Variants in JAM3 observed in about 807,000 individuals in gnomAD.
JAM3 encodes junctional adhesion molecule C.
JAM3 carries 31 observed loss-of-function variants against 39.4 expected under a neutral mutation model. The observed-to-expected ratio is 0.79, with a 90% CI of 0.59 to 1.06. The LOEUF (loss-of-function observed/expected upper bound fraction) is 1.06. JAM3 is among the 50% of genes least tolerant of loss of function. JAM3 has a pLI of 0.00. For missense variants in JAM3, 455 were observed against 391.4 expected (o/e 1.16, Z -1.37); for synonymous variants, 182 against 148.7 (o/e 1.22, Z -1.63).
chr11:134,084,880 T>G (rs1264059600), intron 1 of JAM3, among the ~76,000 whole-genome samples: 1 of 152,194 alleles, frequency 6.6e-6, no homozygotes, highest in Non-Finnish European at 1.5e-5. Context: ...CTCTTTATGT[T>G]GGGTACTACT....
chr11:134,126,443 A>C (rs1056601655), intron 1 of JAM3: 2 of 152,228 alleles, frequency 1.3e-5, no homozygotes, highest in Admixed American at 6.5e-5. Flanking sequence ...TGACTTTGTC[A>C]TCTGTTGCTG....
At chr11:134,094,269 C>T (rs1316638174) in intron 1 of JAM3, among the ~76,000 whole-genome samples, 39 of 101,040 alleles carry the variant, frequency 3.9e-4, no homozygotes, top group East Asian at 7.2e-4. Context: ...CCACCTTAAA[C>T]GTCACTTCCT....
Position 134,149,237 on chromosome 11 carries a change from A to G in JAM3, c.*56A>G, listed in dbSNP as rs1943144521. The G allele has an allele frequency of 6.2e-7, 1 of 1,608,532 alleles. No homozygotes were observed. Among genetic ancestry groups the G allele is most frequent in the African/African-American group, 1.3e-5 (1 of 74,948 alleles). On this transcript the variant is annotated 3_prime_UTR_variant, in exon 9 of 9. Coordinates refer to ENST00000299106, the MANE Select transcript of JAM3 (RefSeq NM_032801.5). Reference sequence around the variant, plus strand: ...CGCACGTGCACATACCTCTGCTAGAAACTCCTGTCAAGGCAGCGAGAGCTG... The same window carrying G: ...CGCACGTGCACATACCTCTGCTAGAGACTCCTGTCAAGGCAGCGAGAGCTG...
intron 1 of JAM3, among the ~76,000 whole-genome samples, chr11:134,121,660 C>G (rs1420529670): frequency 6.6e-6 from 1 of 152,090 alleles, no homozygotes; most frequent in Non-Finnish European, 1.5e-5. Context: ...GGAAAAAAAT[C>G]CAGTTTTGAG....
intron 1 of JAM3, among the ~76,000 whole-genome samples, chr11:134,088,845 A>G (rs1365374667): frequency 6.6e-6 from 1 of 152,200 alleles, no homozygotes; most frequent in African/African-American, 2.4e-5. Context: ...GCTGGAGTGC[A>G]GTGGAGCAAT....
intron 1 of JAM3, among the ~76,000 whole-genome samples, chr11:134,072,601 C>T (rs1207991212): frequency 2.6e-5 from 4 of 152,208 alleles, no homozygotes; most frequent in East Asian, 3.9e-4. Context: ...TGAGCCACCA[C>T]GCCCAGCTGG....
intron 1 of JAM3, among the ~76,000 whole-genome samples, chr11:134,088,883 A>C (rs1002138533): frequency 6.6e-6 from 1 of 152,138 alleles, no homozygotes; most frequent in Non-Finnish European, 1.5e-5. Context: ...TCCGCCTCCC[A>C]GGTTCAAGCG....
At chr11:134,102,852 T>C (rs967660533) in intron 1 of JAM3, among the ~76,000 whole-genome samples, 4 of 151,964 alleles carry the variant, frequency 2.6e-5, no homozygotes, top group Admixed American at 1.3e-4. Context: ...CCAAGAAATA[T>C]GGGACTATGT....
intron 1 of JAM3, among the ~76,000 whole-genome samples, chr11:134,099,604 A>T (rs1942039519): frequency 1.3e-5 from 2 of 151,808 alleles, no homozygotes; most frequent in Non-Finnish European, 2.9e-5. Flanking sequence ...TTTTCTATTT[A>T]TTTGTTTATT....
intron 3 of JAM3, 45 bp downstream of exon 3, chr11:134,140,815 A>G (rs756868307): frequency 9.5e-6 from 15 of 1,580,558 alleles, no homozygotes; most frequent in Non-Finnish European, 1.3e-5. Context: ...TCCTCTGTCC[A>G]TAGACCTGGG....
chr11:134,081,744 A>G lies in JAM3; in HGVS notation c.76+12585A>G, dbSNP rs556560785. Among the ~76,000 whole-genome samples, 31 of 152,350 alleles carry G rather than the reference A, an allele frequency of 2.0e-4. 1 individual carries two copies. The South Asian group carries it at 6.2e-3, about 31-fold the overall frequency. ...CCCTACACAGAGTCCCTACTGGGGTACTGCCTAGTGGAGCTGTGAGAAGAG... is the reference window on the plus strand; with the variant it reads ...CCCTACACAGAGTCCCTACTGGGGTGCTGCCTAGTGGAGCTGTGAGAAGAG... On this transcript the variant is annotated intron_variant, in intron 1 of 8. Coordinates refer to ENST00000299106, the MANE Select transcript of JAM3 (RefSeq NM_032801.5).
At position 134,090,415 on chromosome 11, in the gene JAM3, CT is replaced by C. The variant is rs1212494712; in HGVS notation, c.76+21258del. On this transcript the variant is annotated intron_variant, in intron 1 of 8. Transcript: ENST00000299106. ...TGCTGAATGGTATTGCCTAGGTTTT[CT>C]TCTAGGGTTTTTTTCAATATATGGA... Among the ~76,000 whole-genome samples, 9 of 152,006 alleles carry C rather than the reference CT, an allele frequency of 5.9e-5. No homozygotes were observed. The East Asian group carries it at 1.7e-3, about 29-fold the overall frequency.
chr11:134,106,351 A>G (rs1144234), intron 1 of JAM3, among the ~76,000 whole-genome samples: 59,394 of 151,210 alleles, frequency 0.39, 12,607 homozygotes, highest in African/African-American at 0.58. Context: ...TTAATTCAAG[A>G]TGGATTAAAG....
intron 1 of JAM3, among the ~76,000 whole-genome samples, chr11:134,100,880 GACAA>G (rs1480674761): frequency 1.3e-5 from 2 of 152,134 alleles, no homozygotes; most frequent in African/African-American, 2.4e-5. Flanking sequence ...TTCCTTACTA[GACAA>G]ACACTTAGTT....
At chr11:134,083,661 T>TAA (rs202019336) in intron 1 of JAM3, among the ~76,000 whole-genome samples, 3 of 150,766 alleles carry the variant, frequency 2.0e-5, no homozygotes, top group Non-Finnish European at 4.4e-5. Context: ...TAGCTCACAT[T>TAA]AAAAAAAAAC....
At position 134,126,143 on chromosome 11, in the gene JAM3, A is replaced by G. The variant is rs530762092; in HGVS notation, c.77-13708A>G. Among the ~76,000 whole-genome samples the G allele has an allele frequency of 4.6e-5, 7 of 152,196 alleles. No individual in the cohort carries two copies. In the South Asian group the frequency reaches 1.5e-3, roughly 32 times the overall value. ...CCTTGTCTTCCCAGGAAAAGCATAG[A>G]TTTTCCTTGTGGACAACTGTCCATA... On this transcript the variant is annotated intron_variant, in intron 1 of 8. Coordinates refer to ENST00000299106, the MANE Select transcript of JAM3 (RefSeq NM_032801.5).
chr11:134,081,005 T>C (rs1425791927), intron 1 of JAM3, among the ~76,000 whole-genome samples: 1 of 152,226 alleles, frequency 6.6e-6, no homozygotes, highest in African/African-American at 2.4e-5. Flanking sequence ...TGGTATATTT[T>C]AGCTAAGAGT....
In JAM3 at chr11:134,150,195, C is replaced by A. The variant is rs1414366888; in HGVS notation, c.*1014C>A. ...CACAAGGGAACTCATACTGTCTACA[C>A]ATCAGACCATAGTTGCTTAGGAAAC... On this transcript the variant is annotated 3_prime_UTR_variant, in exon 9 of 9. Transcript: ENST00000299106. 6.6e-6 allele frequency: 1 copy of A among 152,520 alleles called. No individual in the cohort carries two copies. The highest frequency in any genetic ancestry group is 2.1e-4 in the South Asian group (1 of 4,848). The allele number at this position is 152,520 out of a possible 1,614,324, so 9.4% of individuals were successfully genotyped here. A position where few individuals can be genotyped will look rare whatever the true frequency, so the allele number is the denominator to read the frequency against.
intron 1 of JAM3, among the ~76,000 whole-genome samples, chr11:134,107,907 A>C (rs989591382): frequency 6.6e-6 from 1 of 152,094 alleles, no homozygotes; most frequent in Admixed American, 6.5e-5. Context: ...AATCAGAAAA[A>C]GAACACATAT....
Sources: allele counts gnomAD v4.1 joint callset (sites outside exome capture counted in the v4.1 genomes callset), GRCh38; gene constraint gnomAD v4.1.1; transcripts MANE v1.5; gene names NCBI Gene and HGNC (gene_info 2026-07-23, HGNC 2026-07-21).